MDGA2: variants seen among roughly 807,000 people sequenced by gnomAD.
The protein encoded by MDGA2 is MAM domain-containing glycosylphosphatidylinositol anchor protein 2.
A neutral mutation model predicts 117.8 loss-of-function variants in MDGA2; 40 were observed. The ratio of observed to expected loss-of-function variants is 0.34; its 90% CI spans 0.26 to 0.44. MDGA2 has a LOEUF of 0.44. Among genes scored for constraint, MDGA2 ranks in the 20% least tolerant of loss-of-function variants. The pLI is 1.00. For synonymous variants in MDGA2, 452 were observed against 439.0 expected, an observed-to-expected ratio of 1.03 and a Z score of -0.37; for missense variants, 1,123 against 1,250.6, an observed-to-expected ratio of 0.90 and a Z score of 1.54.
At chr14:46,847,561 AAGTCTC>A (rs1880889962) in intron 15 of MDGA2, among the ~76,000 whole-genome samples, 1 of 152,008 alleles carries the variant, frequency 6.6e-6, no homozygotes, top group African/African-American at 2.4e-5. Context: ...TGGCTTTAAA[AAGTCTC>A]AGAAGACTTT....
intron 10 of MDGA2, among the ~76,000 whole-genome samples, chr14:46,909,907 C>T (rs1883634072): frequency 6.6e-6 from 1 of 151,984 alleles, no homozygotes; most frequent in African/African-American, 2.4e-5. Context: ...ACAAAAGAAC[C>T]TCATGGATAT....
Position 47,180,436 on chromosome 14 carries a change from T to C in MDGA2, c.596-36162A>G, listed in dbSNP as rs371855072. On this transcript the variant is annotated intron_variant, in intron 3 of 16. Transcript: ENST00000399232. ...CAACCTATGAGATGAGAGAAATTTT[T>C]TGCAAACTATGCGTCTGACAAAGGT... Among the ~76,000 whole-genome samples, 5 of 152,274 alleles carry C rather than the reference T, an allele frequency of 3.3e-5. No homozygotes were observed. The East Asian group carries it at 5.8e-4, about 18-fold the overall frequency.
At chr14:47,479,877 G>A (rs890965697) in intron 1 of MDGA2, among the ~76,000 whole-genome samples, 1 of 151,872 alleles carries the variant, frequency 6.6e-6, no homozygotes, top group African/African-American at 2.4e-5. Context: ...ACAATTTACC[G>A]CTTCCAGTTC....
Position 46,919,876 on chromosome 14 carries a change from ATCTG to A in MDGA2, c.2238+132_2238+135del, listed in dbSNP as rs72144491. Reference sequence around the variant, plus strand: ...ATATACATAGGGTGAAAACATATCTATCTGTCTATCTATATACAGAAACACATAT... The same window carrying A: ...ATATACATAGGGTGAAAACATATCTATCTATCTATATACAGAAACACATAT... On this transcript the variant is annotated intron_variant, in intron 10 of 16. Transcript: ENST00000399232. 15,289 of 668,480 alleles carry A rather than the reference ATCTG, an allele frequency of 0.023. 1,812 individuals are homozygous for A. In the African/African-American group the frequency reaches 0.26, roughly 11 times the overall value. The allele number at this position is 668,480 out of a possible 1,614,324, so 41.4% of individuals were successfully genotyped here. A position where few individuals can be genotyped will look rare whatever the true frequency, so the allele number is the denominator to read the frequency against.
At chr14:46,927,632 T>C (rs1225299451) in intron 9 of MDGA2, among the ~76,000 whole-genome samples, 1 of 152,176 alleles carries the variant, frequency 6.6e-6, no homozygotes, top group Non-Finnish European at 1.5e-5. Context: ...TTAAAATGAA[T>C]GCAAGATGTG....
intron 8 of MDGA2, among the ~76,000 whole-genome samples, chr14:46,970,969 A>T (rs748948621): frequency 6.6e-6 from 1 of 152,114 alleles, no homozygotes; most frequent in Non-Finnish European, 1.5e-5. Flanking sequence ...GGAAAATGCA[A>T]ATCAAAACCA....
At chr14:47,361,978 A>G (rs2138372598) in intron 1 of MDGA2, among the ~76,000 whole-genome samples, 1 of 152,266 alleles carries the variant, frequency 6.6e-6, no homozygotes, top group East Asian at 1.9e-4. Flanking sequence ...AATGGAAATG[A>G]TAGTGGGTTT....
intron 4 of MDGA2, among the ~76,000 whole-genome samples, chr14:47,140,166 G>A (rs182157231): frequency 1.2e-3 from 175 of 151,888 alleles, no homozygotes; most frequent in Middle Eastern, 0.01. Flanking sequence ...ATCAAACATC[G>A]ATGAGAAAAA....
At chr14:47,214,289 T>C (rs1886006163) in intron 3 of MDGA2, among the ~76,000 whole-genome samples, 2 of 152,080 alleles carry the variant, frequency 1.3e-5, no homozygotes, top group African/African-American at 2.4e-5. Context: ...AATATTTGCA[T>C]AAATAACCAA....
chr14:47,164,508 T>C (rs1376583354), intron 3 of MDGA2, among the ~76,000 whole-genome samples: 1 of 152,108 alleles, frequency 6.6e-6, no homozygotes, highest in Non-Finnish European at 1.5e-5. Flanking sequence ...AAAATGCTCA[T>C]CATCACTGGC....
At chr14:47,255,958 G>C (rs966606166) in intron 2 of MDGA2, among the ~76,000 whole-genome samples, 3 of 151,868 alleles carry the variant, frequency 2.0e-5, no homozygotes, top group Non-Finnish European at 4.4e-5. Flanking sequence ...AAATTAAATT[G>C]ACCCATTTCC....
At chr14:47,328,719 G>A (rs951654671) in intron 1 of MDGA2, among the ~76,000 whole-genome samples, 4 of 152,102 alleles carry the variant, frequency 2.6e-5, no homozygotes, top group Non-Finnish European at 5.9e-5. Context: ...AACCTTCAGA[G>A]AAAAAGCCTT....
intron 1 of MDGA2, among the ~76,000 whole-genome samples, chr14:47,425,601 G>T (rs1892671173): frequency 6.6e-6 from 1 of 152,030 alleles, no homozygotes; most frequent in Non-Finnish European, 1.5e-5. Flanking sequence ...GGAATGTCAA[G>T]GAGTGTTAGG....
At chr14:46,988,843 A>G (rs1313360340) in intron 8 of MDGA2, among the ~76,000 whole-genome samples, 1 of 151,938 alleles carries the variant, frequency 6.6e-6, no homozygotes, top group Non-Finnish European at 1.5e-5. Flanking sequence ...CTGTTTCTCC[A>G]CCATGACGCT....
intron 8 of MDGA2, among the ~76,000 whole-genome samples, chr14:47,026,198 T>G (rs1310765027): frequency 6.6e-6 from 1 of 152,210 alleles, no homozygotes; most frequent in African/African-American, 2.4e-5. Flanking sequence ...AAATTCTATA[T>G]GAATACTGCC....
At chr14:47,062,167 G>C (rs1889908132) in intron 6 of MDGA2, among the ~76,000 whole-genome samples, 1 of 152,096 alleles carries the variant, frequency 6.6e-6, no homozygotes, top group Admixed American at 6.6e-5. Flanking sequence ...GGGGCAAAAA[G>C]CATGTTCAAA....
intron 3 of MDGA2, among the ~76,000 whole-genome samples, chr14:47,167,213 T>C (rs557138405): frequency 6.6e-6 from 1 of 152,256 alleles, no homozygotes; most frequent in African/African-American, 2.4e-5. Context: ...AGTTGATACA[T>C]ATTTTTTAAA....
At chr14:47,550,213 CTAG>C (rs1027492332) in intron 1 of MDGA2, among the ~76,000 whole-genome samples, 3 of 152,150 alleles carry the variant, frequency 2.0e-5, no homozygotes, top group Non-Finnish European at 4.4e-5. Context: ...TTCATATACT[CTAG>C]TAAAGTTAAT....
chr14:46,861,321 C>T (rs1247945697), intron 14 of MDGA2, among the ~76,000 whole-genome samples: 1 of 151,868 alleles, frequency 6.6e-6, no homozygotes, highest in South Asian at 2.1e-4. Flanking sequence ...TTTCTTATAT[C>T]AGTAATTATA....
Sources: gnomAD v4.1 joint callset for allele counts (sites outside exome capture counted in the v4.1 genomes callset) on GRCh38, gnomAD v4.1.1 for gene constraint, MANE v1.5 for transcripts, NCBI Gene and HGNC (gene_info 2026-07-23, HGNC 2026-07-21) for gene names.